Variants in BICRAL observed in about 807,000 individuals in gnomAD.
The protein encoded by BICRAL is BRD4-interacting chromatin-remodeling complex-associated protein-like.
BICRAL carries 8 observed loss-of-function variants against 91.8 expected under a neutral mutation model. The observed-to-expected ratio is 0.09, with a 90% CI of 0.05 to 0.16. The LOEUF (loss-of-function observed/expected upper bound fraction) is 0.16. BICRAL is among the 10% of genes least tolerant of loss of function. BICRAL has a pLI of 1.00. For missense variants in BICRAL, 1,038 were observed against 1,310.9 expected, an observed-to-expected ratio of 0.79 and a Z score of 3.21; for synonymous variants, 445 against 491.1, an observed-to-expected ratio of 0.91 and a Z score of 1.24.
chr6:42,857,329 TG>T, intron 10 of BICRAL, 93 bp downstream of exon 10: 1 of 993,866 alleles, frequency 1.0e-6, no homozygotes, highest in South Asian at 1.6e-5. Context: ...CACCCCCAGA[TG>T]GTAGGCAGGT....
Position 42,829,157 on chromosome 6 carries a change from C to G in BICRAL, c.824C>G (p.Ala275Gly). ...GGGAACTCTAGTTCCAGTCCAGTAGCACAGCCTGTTACCGTTCCATTTAAC... is the reference window on the plus strand; with the variant it reads ...GGGAACTCTAGTTCCAGTCCAGTAGGACAGCCTGTTACCGTTCCATTTAAC... ...LFGNSSSSPV[A>G]QPVTVPFNST... Residue 275 changes from alanine to glycine, a missense_variant, in exon 6 of 13, where the codon GCA becomes GGA. Ala to Gly is a moderately conservative substitution (Grantham distance 60). Coordinates refer to ENST00000314073, the MANE Select transcript of BICRAL (RefSeq NM_001393499.1). The G allele has an allele frequency of 6.2e-7, 1 of 1,614,060 alleles. No individual in the cohort carries two copies. Among genetic ancestry groups the G allele is most frequent in the Non-Finnish European group, 8.5e-7 (1 of 1,179,926 alleles).
chr6:42,774,431 G>A (rs1201470254), intron 1 of BICRAL, among the ~76,000 whole-genome samples: 2 of 152,100 alleles, frequency 1.3e-5, no homozygotes, highest in East Asian at 3.8e-4. Context: ...GCATGTGGTG[G>A]GGCAGGAGTA....
chr6:42,822,980 A>G lies in BICRAL; in HGVS notation c.136A>G (p.Asn46Asp), dbSNP rs1488622080. ...TNAGYSAANS[N>D]SIFANSSNAD... is the part of the protein sequence containing the mutation. ...TGCAGGATATTCTGCAGCCAATTCA[A>G]ATTCAATTTTCGCCAACTCTAGTGT... is the stretch of plus-strand genomic sequence containing the variant. The change falls in exon 5 of 13, where the codon AAT (asparagine) becomes GAT (aspartate). Residue 46 changes from asparagine to aspartate, a missense_variant. By Grantham distance (23) the Asn-to-Asp change is conservative (BLOSUM62 1). Coordinates refer to ENST00000314073, the MANE Select transcript of BICRAL (RefSeq NM_001393499.1). 1 of 1,611,186 alleles carries G rather than the reference A, an allele frequency of 6.2e-7. No individual in the cohort carries two copies. The highest frequency in any genetic ancestry group is 8.5e-7 in the Non-Finnish European group (1 of 1,177,512).
chr6:42,795,587 A>G (rs1313235086), intron 1 of BICRAL, among the ~76,000 whole-genome samples: 1 of 152,214 alleles, frequency 6.6e-6, no homozygotes, highest in Non-Finnish European at 1.5e-5. Context: ...AATTACCTTG[A>G]GCTTGACTCT....
chr6:42,793,940 G>A (rs558435623), intron 1 of BICRAL, among the ~76,000 whole-genome samples: 56 of 150,888 alleles, frequency 3.7e-4, no homozygotes, highest in Admixed American at 2.2e-3. Context: ...ATGTTGTCCA[G>A]GCTTGTCTCG....
intron 2 of BICRAL, among the ~76,000 whole-genome samples, chr6:42,813,635 C>T (rs1490083899): frequency 6.6e-6 from 1 of 152,074 alleles, no homozygotes; most frequent in African/African-American, 2.4e-5. Context: ...GTCCTCCCAC[C>T]TCAGCCTCCT....
chr6:42,837,614 T>C (rs908238149), intron 6 of BICRAL, among the ~76,000 whole-genome samples: 2 of 151,768 alleles, frequency 1.3e-5, no homozygotes, highest in African/African-American at 4.8e-5. Flanking sequence ...TAGCCGGATG[T>C]GGTGGCAGGC....
intron 1 of BICRAL, among the ~76,000 whole-genome samples, chr6:42,787,639 AAG>A (rs1394613765): frequency 6.6e-6 from 1 of 152,184 alleles, no homozygotes; most frequent in African/African-American, 2.4e-5. Context: ...ATTTTCAAGA[AAG>A]AGGGAATGGT....
intron 1 of BICRAL, among the ~76,000 whole-genome samples, chr6:42,795,955 A>G (rs922959193): frequency 6.6e-6 from 1 of 152,254 alleles, no homozygotes; most frequent in African/African-American, 2.4e-5. Context: ...GTACACACAT[A>G]AAACTACACA....
chr6:42,783,012 G>A (rs1762969117), intron 1 of BICRAL, among the ~76,000 whole-genome samples: 1 of 151,952 alleles, frequency 6.6e-6, no homozygotes, highest in South Asian at 2.1e-4. Flanking sequence ...AGGCGGCGGA[G>A]ACGGGGTTTA....
intron 1 of BICRAL, among the ~76,000 whole-genome samples, chr6:42,793,296 A>ATTTTTTT (rs35332872): frequency 0.012 from 278 of 22,976 alleles, 23 homozygotes; most frequent in Middle Eastern, 0.056. Context: ...GACCCAGCTA[A>ATTTTTTT]TTTTTTTTTT....
At chr6:42,801,864 C>T (rs1363472059) in intron 1 of BICRAL, among the ~76,000 whole-genome samples, 1 of 149,838 alleles carries the variant, frequency 6.7e-6, no homozygotes, top group African/African-American at 2.5e-5. Flanking sequence ...GCCTGGGTGA[C>T]AGAGTGAGAC....
At chr6:42,840,876 C>G (rs1316065397) in intron 6 of BICRAL, among the ~76,000 whole-genome samples, 2 of 151,610 alleles carry the variant, frequency 1.3e-5, no homozygotes, top group South Asian at 2.1e-4. Context: ...GAGTTCAAGA[C>G]TAGCGTGGCT....
intron 1 of BICRAL, among the ~76,000 whole-genome samples, chr6:42,799,306 T>C (rs550992125): frequency 6.6e-6 from 1 of 151,720 alleles, no homozygotes; most frequent in East Asian, 1.9e-4. Flanking sequence ...CTTTTTTTTT[T>C]TTTTTTTTCT....
At chr6:42,784,230 ACT>A (rs1763035371) in intron 1 of BICRAL, among the ~76,000 whole-genome samples, 1 of 152,146 alleles carries the variant, frequency 6.6e-6, no homozygotes, top group South Asian at 2.1e-4. Context: ...ACAGTCTGAA[ACT>A]CTTCTAAAAA....
chr6:42,777,074 G>A (rs952436646), upstream of BICRAL, among the ~76,000 whole-genome samples: 2 of 152,184 alleles, frequency 1.3e-5, no homozygotes, highest in African/African-American at 2.4e-5. Flanking sequence ...CATCCTTGAG[G>A]AGCTCCCTAT....
At chr6:42,816,962 C>T (rs1446511517) in intron 2 of BICRAL, among the ~76,000 whole-genome samples, 10 of 147,732 alleles carry the variant, frequency 6.8e-5, no homozygotes, top group Admixed American at 2.1e-4. Flanking sequence ...TGCAGTGAGC[C>T]GAGATTGCAC....
At chr6:42,864,489 G>A (rs1765649599) in intron 12 of BICRAL, among the ~76,000 whole-genome samples, 170 bp from the exon 13 acceptor site, 1 of 152,184 alleles carries the variant, frequency 6.6e-6, no homozygotes, top group Non-Finnish European at 1.5e-5. Flanking sequence ...TGCCTTTACA[G>A]GATGCCCTCT....
chr6:42,796,770 G>A (rs535478186), intron 1 of BICRAL, among the ~76,000 whole-genome samples: 62 of 152,132 alleles, frequency 4.1e-4, no homozygotes, highest in African/African-American at 1.3e-3. Context: ...GCTGTCGGCC[G>A]GGTGCAGTGC....
Sources: gnomAD v4.1 joint callset for allele counts (sites outside exome capture counted in the v4.1 genomes callset) on GRCh38, gnomAD v4.1.1 for gene constraint, MANE v1.5 for transcripts, NCBI Gene and HGNC (gene_info 2026-07-23, HGNC 2026-07-21) for gene names.